The following CACNG7 variants were observed in gnomAD, a reference collection of about 807,000 sequenced individuals.
CACNG7 encodes voltage-dependent calcium channel gamma-7 subunit.
In CACNG7, 9 loss-of-function variants were observed where a neutral mutation model predicts 26.3. The ratio of observed to expected loss-of-function variants is 0.34; its 90% confidence interval spans 0.21 to 0.60. CACNG7 has a LOEUF of 0.60. Ranked by LOEUF, CACNG7 falls within the 20% of genes least tolerant of loss-of-function variation. CACNG7 has a pLI of 0.81. For synonymous variants in CACNG7, 170 were observed against 157.0 expected (o/e 1.08, Z -0.62); for missense variants, 297 against 380.4 (o/e 0.78, Z 1.82).
intron 4 of CACNG7, among the ~76,000 whole-genome samples, chr19:53,923,602 C>T (rs74180752): frequency 1.3e-3 from 130 of 98,046 alleles, no homozygotes; most frequent in African/African-American, 4.8e-3. Context: ...GGTGGAGTTG[C>T]CCCAGGTCTG....
intron 4 of CACNG7, among the ~76,000 whole-genome samples, chr19:53,919,770 C>G (rs1407672670): frequency 7.0e-6 from 1 of 143,810 alleles, no homozygotes; most frequent in Non-Finnish European, 1.5e-5. Flanking sequence ...GGAGTTGCCC[C>G]AGGCTGGTCA....
Position 53,923,067 on chromosome 19 carries a change from C to T in CACNG7, c.424+7562C>T, listed in dbSNP as rs1406352579. 1.6e-5 allele frequency among the ~76,000 whole-genome samples: 2 copies of T among 127,774 alleles called. 1 individual carries two copies. The highest frequency in any genetic ancestry group is 3.3e-5 in the Non-Finnish European group (2 of 61,534). 83.8% of individuals were successfully genotyped at this position (127,774 alleles called of 152,430 possible). A position where few individuals can be genotyped will look rare whatever the true frequency, so the allele number is the denominator to read the frequency against. ...AGGCCTGGTCATTGGTGCAGTTGTC[C>T]CCAGGCCTGGTCATTGGTGGAGTTG... On this transcript the variant is annotated intron_variant, in intron 4 of 5. Coordinates refer to ENST00000391767, the MANE Select transcript of CACNG7 (RefSeq NM_031896.5).
At chr19:53,913,623 A>G (rs2068874420) in intron 2 of CACNG7, among the ~76,000 whole-genome samples, 3 of 151,840 alleles carry the variant, frequency 2.0e-5, no homozygotes, top group East Asian at 1.9e-4. Context: ...GTGAGACTCC[A>G]TCTCACTCTC....
At chr19:53,921,983 GCCCCAGGCC>G (rs2068960890) in intron 4 of CACNG7, among the ~76,000 whole-genome samples, 1 of 65,402 alleles carries the variant, frequency 1.5e-5, no homozygotes, top group Non-Finnish European at 2.8e-5. Context: ...TGGTGGAGTT[GCCCCAGGCC>G]TGGTCATTGG....
Position 53,939,274 on chromosome 19 carries a change from C to CA in CACNG7, c.425-2190dup, listed in dbSNP as rs2069123756. 6.6e-6 allele frequency among the ~76,000 whole-genome samples: 1 copy of CA among 152,024 alleles called. No individual in the cohort carries two copies. The highest frequency in any genetic ancestry group is 1.5e-5 in the Non-Finnish European group (1 of 67,976). On this transcript the variant is annotated intron_variant, in intron 4 of 5. Transcript: ENST00000391767. The surrounding 1 kb of genome is among the most constrained non-coding windows in gnomAD (Gnocchi z 4.2). Reference sequence around the variant, plus strand: ...ATCTGTCTCAAAAAATTCCAAAAAACAAAAAACAAAATTGAGATGTAATTC... The same window carrying CA: ...ATCTGTCTCAAAAAATTCCAAAAAACAAAAAAACAAAATTGAGATGTAATTC...
At chr19:53,915,609 G>A (rs966909993) in intron 4 of CACNG7, 104 bp downstream of exon 4, 1 of 1,292,478 alleles carries the variant, frequency 7.7e-7, no homozygotes, top group African/African-American at 1.5e-5. Context: ...CTGGGAGGAG[G>A]TGCAGACCCT....
intron 4 of CACNG7, among the ~76,000 whole-genome samples, chr19:53,925,846 T>C (rs990930124): frequency 3.3e-5 from 5 of 152,162 alleles, no homozygotes; most frequent in East Asian, 3.8e-4. Context: ...GGCAATTGGA[T>C]GGCCATGTGA....
Position 53,912,755 on chromosome 19 carries a change from AC to A in CACNG7, c.-29-47del, listed in dbSNP as rs1435260426. Reference sequence around the variant, plus strand: ...CCCGGGTTGCTGCATGGGGTCAAGCACTCTGGTCGGTCCCATGGAGCTCTGC... The same window carrying A: ...CCCGGGTTGCTGCATGGGGTCAAGCATCTGGTCGGTCCCATGGAGCTCTGC... On this transcript the variant is annotated intron_variant, in intron 1 of 5. Coordinates refer to ENST00000391767, the MANE Select transcript of CACNG7 (RefSeq NM_031896.5). The surrounding 1 kb of genome is among the most constrained non-coding windows in gnomAD (Gnocchi z 4.6). The A allele has an allele frequency of 3.4e-6, 5 of 1,478,386 alleles. No individual in the cohort carries two copies. Among genetic ancestry groups the A allele is most frequent in the Non-Finnish European group, 4.7e-6 (5 of 1,074,044 alleles). The allele number at this position is 1,478,386 out of a possible 1,614,324, so 91.6% of individuals were successfully genotyped here. A position where few individuals can be genotyped will look rare whatever the true frequency, so the allele number is the denominator to read the frequency against.
chr19:53,934,058 C>T (rs7248289), intron 4 of CACNG7, among the ~76,000 whole-genome samples: 8,014 of 151,922 alleles, frequency 0.053, 714 homozygotes, highest in African/African-American at 0.18. Context: ...CCACCACGCC[C>T]GGCTAATTTT....
intron 4 of CACNG7, among the ~76,000 whole-genome samples, chr19:53,937,341 C>T (rs1442565207): frequency 6.6e-6 from 1 of 152,168 alleles, no homozygotes; most frequent in Non-Finnish European, 1.5e-5. Flanking sequence ...TTAGATGCTA[C>T]TAAATCCCCT....
intron 4 of CACNG7, among the ~76,000 whole-genome samples, chr19:53,930,013 G>T (rs564958067): frequency 6.7e-6 from 1 of 149,262 alleles, no homozygotes; most frequent in East Asian, 2.0e-4. Flanking sequence ...TGGGGATGGA[G>T]GAGATGTCTA....
intron 4 of CACNG7, among the ~76,000 whole-genome samples, chr19:53,934,689 C>T (rs893094662): frequency 6.6e-6 from 1 of 152,036 alleles, no homozygotes; most frequent in African/African-American, 2.4e-5. Context: ...AGGAGGATCA[C>T]TTGAGCCCAG....
At position 53,942,587 on chromosome 19, in the gene CACNG7, G is replaced by C; in HGVS notation, c.*294G>C. The C allele has an allele frequency of 7.6e-7, 1 of 1,308,588 alleles. No homozygotes were observed. The allele number at this position is 1,308,588 out of a possible 1,614,324, so 81.1% of individuals were successfully genotyped here. ...TGGCCCCTCCTCTCCAAGAAAATTA[G>C]CTCCTCCCTCGTTCTCCACCTGCTC... On this transcript the variant is annotated 3_prime_UTR_variant, in exon 6 of 6. Coordinates refer to ENST00000391767, the MANE Select transcript of CACNG7 (RefSeq NM_031896.5). This position sits in a 1 kb window ranked among gnomAD's most constrained non-coding sequence, Gnocchi z 5.9.
At chr19:53,941,442 G>A in intron 4 of CACNG7, 28 bp from the exon 5 acceptor site, 1 of 1,502,500 alleles carries the variant, frequency 6.7e-7, no homozygotes, top group Non-Finnish European at 8.8e-7. Flanking sequence ...ACTTCTAATG[G>A]ACGAGGGCAC....
chr19:53,912,928 T>G lies in CACNG7; in HGVS notation c.97T>G (p.Trp33Gly). The change falls in exon 2 of 6, where the codon TGG becomes GGG. Residue 33 changes from tryptophan (W) to glycine (G), a missense_variant. Coordinates refer to ENST00000391767, the MANE Select transcript of CACNG7 (RefSeq NM_031896.5). This position sits in a 1 kb window ranked among gnomAD's most constrained non-coding sequence, Gnocchi z 4.6. ...LVGIAVSTDYWLYMEEGTVLP... is the reference protein window; with the variant it reads ...LVGIAVSTDYGLYMEEGTVLP... ...AGGCATCGCGGTCAGCACTGACTAC[T>G]GGCTGTACATGGAAGAAGGCACAGT... The G allele has an allele frequency of 6.2e-7, 1 of 1,614,118 alleles. No homozygotes were observed. Among genetic ancestry groups the G allele is most frequent in the Non-Finnish European group, 8.5e-7 (1 of 1,180,012 alleles).
intron 4 of CACNG7, among the ~76,000 whole-genome samples, chr19:53,916,771 A>G (rs1283098636): frequency 7.1e-6 from 1 of 141,532 alleles, no homozygotes; most frequent in African/African-American, 2.6e-5. Context: ...AAGTGCTGGG[A>G]TTACAGGTGT....
At chr19:53,915,332 C>G in intron 3 of CACNG7, 33 bp from the exon 4 acceptor site, 3 of 1,542,584 alleles carry the variant, frequency 1.9e-6, no homozygotes, top group Non-Finnish European at 2.7e-6. Flanking sequence ...GAGATTCCCC[C>G]CTCACCCCTG....
chr19:53,942,588 C>A lies in CACNG7; in HGVS notation c.*295C>A. ...GGCCCCTCCTCTCCAAGAAAATTAG[C>A]TCCTCCCTCGTTCTCCACCTGCTCT... On this transcript the variant is annotated 3_prime_UTR_variant, in exon 6 of 6. Transcript: ENST00000391767. The surrounding 1 kb of genome is among the most constrained non-coding windows in gnomAD (Gnocchi z 5.9). 7.6e-7 allele frequency: 1 copy of A among 1,308,514 alleles called. No homozygotes were observed. The highest frequency in any genetic ancestry group is 9.7e-7 in the Non-Finnish European group (1 of 1,027,274). 81.1% of individuals were successfully genotyped at this position (1,308,514 alleles called of 1,614,324 possible). A position where few individuals can be genotyped will look rare whatever the true frequency, so the allele number is the denominator to read the frequency against.
intron 4 of CACNG7, among the ~76,000 whole-genome samples, chr19:53,931,685 TAAAAA>T (rs747430354): frequency 2.2e-4 from 10 of 45,002 alleles, no homozygotes; most frequent in South Asian, 1.1e-3. Flanking sequence ...AGACTCTGTC[TAAAAA>T]AAAAAAAAAA....
Sources: gnomAD v4.1 joint callset for allele counts (sites outside exome capture counted in the v4.1 genomes callset) on GRCh38, gnomAD v4.1.1 for gene constraint, Gnocchi (gnomAD v3.1) non-coding constraint, MANE v1.5 for transcripts, NCBI Gene and HGNC (gene_info 2026-07-23, HGNC 2026-07-21) for gene names.